Variants in SAMHD1 observed in about 807,000 individuals in gnomAD.
SAMHD1 encodes the protein deoxynucleoside triphosphate triphosphohydrolase SAMHD1.
SAMHD1 carries 54 observed loss-of-function variants against 79.6 expected under a neutral mutation model. The observed-to-expected ratio is 0.68, with a 90% CI of 0.55 to 0.85. The LOEUF (loss-of-function observed/expected upper bound fraction) is 0.85, where lower values mean the gene tolerates loss of function less well. Ranked by LOEUF, SAMHD1 falls within the 40% of genes least tolerant of loss-of-function variation. SAMHD1 has a pLI of 0.00. For synonymous variants in SAMHD1, 260 were observed against 264.1 expected (o/e 0.98, Z 0.15); for missense variants, 663 against 782.7 (o/e 0.85, Z 1.82).
intron 5 of SAMHD1, among the ~76,000 whole-genome samples, chr20:36,927,581 T>C (rs573419608): frequency 9.2e-5 from 14 of 152,014 alleles, no homozygotes; most frequent in Non-Finnish European, 1.9e-4. Context: ...CCTCCCAAAG[T>C]GCTGGGATTA....
chr20:36,930,717 G>T, intron 5 of SAMHD1, 43 bp downstream of exon 5: 1 of 1,317,736 alleles, frequency 7.6e-7, no homozygotes, highest in Non-Finnish European at 1.1e-6. Context: ...GGTAACATAT[G>T]TTATGATTTT....
Position 36,935,084 on chromosome 20 carries a change from C to G in SAMHD1, c.454G>C (p.Gly152Arg), listed in dbSNP as rs775844501. The change falls in exon 4 of 16, where the codon GGT becomes CGT. Residue 152 changes from glycine (G) to arginine (R), a missense_variant. Coordinates refer to ENST00000646673, the MANE Select transcript of SAMHD1 (RefSeq NM_015474.4). ...QRLRYIKQLG[G>R]GYYVFPGASH... is the part of the protein sequence containing the mutation. Reference sequence around the variant, plus strand: ...GCTCCTGGAAAAACATAGTAACCACCTCCCAGCTGTTTGATGTATCGAAGA... The same window carrying G: ...GCTCCTGGAAAAACATAGTAACCACGTCCCAGCTGTTTGATGTATCGAAGA... 6.2e-6 allele frequency: 10 copies of G among 1,614,148 alleles called. No homozygotes were observed. Among genetic ancestry groups the G allele is most frequent in the Non-Finnish European group, 6.8e-6 (8 of 1,180,018 alleles).
intron 15 of SAMHD1, among the ~76,000 whole-genome samples, chr20:36,896,083 T>A (rs1236557611): frequency 6.6e-6 from 1 of 151,938 alleles, no homozygotes; most frequent in Non-Finnish European, 1.5e-5. Context: ...TCTTTTCTTT[T>A]CTTTTTGAGA....
At chr20:36,947,304 G>A (rs1238741647) in intron 1 of SAMHD1, among the ~76,000 whole-genome samples, 1 of 143,736 alleles carries the variant, frequency 7.0e-6, no homozygotes, top group African/African-American at 2.6e-5. Flanking sequence ...ACTCTGATTT[G>A]GAAGAGGTGT....
intron 15 of SAMHD1, among the ~76,000 whole-genome samples, chr20:36,896,040 A>G (rs1306551708): frequency 6.6e-6 from 1 of 152,038 alleles, no homozygotes; most frequent in Non-Finnish European, 1.5e-5. Context: ...ACCATTTTAT[A>G]TAAGGGACTT....
chr20:36,901,832 T>C (rs1468905485), intron 13 of SAMHD1, among the ~76,000 whole-genome samples: 1 of 152,244 alleles, frequency 6.6e-6, no homozygotes, highest in Non-Finnish European at 1.5e-5. Context: ...TGCATGCAGC[T>C]AGTGACTATG....
chr20:36,915,216 T>C (rs1188328753), intron 9 of SAMHD1, among the ~76,000 whole-genome samples: 2 of 151,608 alleles, frequency 1.3e-5, no homozygotes, highest in Non-Finnish European at 2.9e-5. Context: ...CATAGGCCTG[T>C]AGTCCCAGCT....
Position 36,919,497 on chromosome 20 carries a change from A to T in SAMHD1, c.719T>A (p.Met240Lys), listed in dbSNP as rs1289173616. 2 of 1,613,588 alleles carry T rather than the reference A, an allele frequency of 1.2e-6. No homozygotes were observed. The highest frequency in any genetic ancestry group is 2.2e-5 in the East Asian group (1 of 44,772). Residue 240 changes from methionine (M) to lysine (K), a missense_variant, in exon 7 of 16, where the codon ATG becomes AAG. By Grantham distance (95) the Met-to-Lys change is moderately conservative. Transcript: ENST00000646673. ...KWTHEQGSVMMFEHLINSNGI... is the reference protein window; with the variant it reads ...KWTHEQGSVMKFEHLINSNGI... Reference sequence around the variant, plus strand: ...ATTAGAATTAATAAGGTGCTCAAACATCATAACTGAGCCTTGTTCATGCTA... The same window carrying T: ...ATTAGAATTAATAAGGTGCTCAAACTTCATAACTGAGCCTTGTTCATGCTA...
At chr20:36,907,557 TTTTA>T (rs2063412353) in intron 11 of SAMHD1, among the ~76,000 whole-genome samples, 1 of 91,434 alleles carries the variant, frequency 1.1e-5, no homozygotes, top group Admixed American at 1.0e-4. Context: ...TTTTTTTTTT[TTTTA>T]GACAGACTCA....
In SAMHD1 at chr20:36,951,496, C is replaced by A. The variant is rs759723057; in HGVS notation, c.148G>T (p.Val50Leu). ...PDYKTWGPEQ[V>L]CSFLRRGGFE... ...CCACCGCGCCTGAGGAAGGAGCACA[C>A]CTGCTCCGGACCCCATGTCTTGTAG... The change falls in exon 1 of 16, where the codon GTG becomes TTG. Residue 50 changes from valine (V) to leucine (L), a missense_variant. By Grantham distance (32) the Val-to-Leu change is conservative. Transcript: ENST00000646673. 1 of 1,614,160 alleles carries A rather than the reference C, an allele frequency of 6.2e-7. No homozygotes were observed. Among genetic ancestry groups the A allele is most frequent in the Non-Finnish European group, 8.5e-7 (1 of 1,179,996 alleles).
At chr20:36,903,285 G>A (rs2148358966) in intron 13 of SAMHD1, among the ~76,000 whole-genome samples, 1 of 152,230 alleles carries the variant, frequency 6.6e-6, no homozygotes, top group South Asian at 2.1e-4. Flanking sequence ...TGTTGCCCAG[G>A]CTGGAGTGCA....
chr20:36,945,411 T>C (rs1296880572), intron 2 of SAMHD1, among the ~76,000 whole-genome samples: 1 of 152,186 alleles, frequency 6.6e-6, no homozygotes, highest in Admixed American at 6.6e-5. Context: ...TTCCAATCTT[T>C]AGGAAAACCT....
chr20:36,924,799 T>C (rs1247517414), intron 6 of SAMHD1, among the ~76,000 whole-genome samples: 1 of 152,040 alleles, frequency 6.6e-6, no homozygotes, highest in Non-Finnish European at 1.5e-5. Context: ...ATTCATCATA[T>C]ATGGGAAGTT....
At chr20:36,934,496 C>CT (rs1481767003) in intron 4 of SAMHD1, among the ~76,000 whole-genome samples, 3 of 112,096 alleles carry the variant, frequency 2.7e-5, no homozygotes, top group Admixed American at 1.3e-4. Context: ...GCACTCCAGC[C>CT]TAGTGAAAGA....
chr20:36,928,923 G>A (rs1226587573), intron 5 of SAMHD1, among the ~76,000 whole-genome samples: 9 of 151,788 alleles, frequency 5.9e-5, no homozygotes. Flanking sequence ...TGGGCATGGT[G>A]GCATGTGCCT....
At chr20:36,934,873 G>C (rs1236948382) in intron 4 of SAMHD1, 156 bp downstream of exon 4, 1 of 694,510 alleles carries the variant, frequency 1.4e-6, no homozygotes. Context: ...GGCCAGGCTG[G>C]TCTTGAACTC....
At chr20:36,901,572 C>A (rs58664618) in intron 13 of SAMHD1, among the ~76,000 whole-genome samples, 14 of 151,562 alleles carry the variant, frequency 9.2e-5, no homozygotes, top group Non-Finnish European at 1.6e-4. Flanking sequence ...CCTATCTATA[C>A]AAAAAACTTA....
At position 36,932,177 on chromosome 20, in the gene SAMHD1, C is replaced by CCAGCTACTTGGAAGGCTGAGG. The variant is rs970660175; in HGVS notation, c.510-1323_510-1303dup. On this transcript the variant is annotated intron_variant, in intron 4 of 15. Coordinates refer to ENST00000646673, the MANE Select transcript of SAMHD1 (RefSeq NM_015474.4). ...GCCAGCTACTTGGAAGGCTGTAATC[C>CCAGCTACTTGGAAGGCTGAGG]CAGCTACTTGGAAGGCTGAGGCAGC... Among the ~76,000 whole-genome samples the CCAGCTACTTGGAAGGCTGAGG allele has an allele frequency of 2.6e-5, 4 of 151,644 alleles. No individual in the cohort carries two copies. In the East Asian group the frequency reaches 5.9e-4, roughly 22 times the overall value.
Position 36,892,649 on chromosome 20 carries a change from T to C in SAMHD1, c.*283A>G. 1 of 452,614 alleles carries C rather than the reference T, an allele frequency of 2.2e-6. No homozygotes were observed. 28.0% of individuals were successfully genotyped at this position (452,614 alleles called of 1,614,324 possible). A position where few individuals can be genotyped will look rare whatever the true frequency, so the allele number is the denominator to read the frequency against. On this transcript the variant is annotated 3_prime_UTR_variant, in exon 16 of 16. Transcript: ENST00000646673. ...CTCTTAAAAAAGAAAAAAAATAGAG[T>C]TCAGAATAGATAAAAGAGTTGTTAT...
Sources: allele counts gnomAD v4.1 joint callset (sites outside exome capture counted in the v4.1 genomes callset), GRCh38; gene constraint gnomAD v4.1.1; transcripts MANE v1.5; gene names NCBI Gene and HGNC (gene_info 2026-07-23, HGNC 2026-07-21).